Variants in ZNF710 observed in about 807,000 individuals in gnomAD.
The protein encoded by ZNF710 is zinc finger protein 710.
A neutral mutation model predicts 50.6 loss-of-function variants in ZNF710; 13 were observed. That is an observed-to-expected ratio of 0.26 (90% CI 0.17 to 0.41). ZNF710 has a LOEUF of 0.41. Among genes scored for constraint, ZNF710 ranks in the 10% least tolerant of loss-of-function variants. ZNF710 has a pLI of 1.00. For missense variants in ZNF710, 721 were observed against 936.6 expected, an observed-to-expected ratio of 0.77 and a Z score of 3.01; for synonymous variants, 383 against 397.0, an observed-to-expected ratio of 0.96 and a Z score of 0.42.
At chr15:90,078,124 T>C (rs1377097597) in intron 4 of ZNF710, among the ~76,000 whole-genome samples, 1 of 148,398 alleles carries the variant, frequency 6.7e-6, no homozygotes, top group Non-Finnish European at 1.5e-5. Context: ...GGCAGGAGAA[T>C]CGCTTGACCC....
chr15:90,063,193 A>G (rs8025891), intron 1 of ZNF710, among the ~76,000 whole-genome samples: 72,744 of 151,980 alleles, frequency 0.48, 20,339 homozygotes, highest in African/African-American at 0.75. Flanking sequence ...CTGAGGAGCC[A>G]GGCTCGGGTG....
At chr15:90,079,310 A>G (rs1413066910) in intron 4 of ZNF710, among the ~76,000 whole-genome samples, 1 of 152,238 alleles carries the variant, frequency 6.6e-6, no homozygotes, top group African/African-American at 2.4e-5. Context: ...TCCCGTGGCC[A>G]GAGAAACATT....
At chr15:90,048,445 GA>G (rs1899535378) in intron 1 of ZNF710, among the ~76,000 whole-genome samples, 1 of 152,240 alleles carries the variant, frequency 6.6e-6, no homozygotes, top group South Asian at 2.1e-4. Context: ...GGAGGAGGGT[GA>G]CTTGCTTCCT....
Position 90,067,424 on chromosome 15 carries a change from G to A in ZNF710, c.287G>A (p.Arg96Gln), listed in dbSNP as rs866527430. ...EVEAACEKHTRRKTRPPVRLV... is the reference protein window; with the variant it reads ...EVEAACEKHTQRKTRPPVRLV... Reference sequence around the variant, plus strand: ...GAGGCAGCCTGTGAGAAGCACACCCGGCGGAAGACGCGGCCACCTGTGCGG... The same window carrying A: ...GAGGCAGCCTGTGAGAAGCACACCCAGCGGAAGACGCGGCCACCTGTGCGG... Residue 96 changes from arginine to glutamine, a missense_variant, in exon 2 of 5, where the codon CGG becomes CAG. Arg to Gln is a conservative substitution (Grantham distance 43). Around this residue, in one of 3 missense-constraint regions of ZNF710, gnomAD observed 326 missense variants for 347.1 expected, o/e 0.94. Transcript: ENST00000268154. This position sits in a 1 kb window ranked among gnomAD's most constrained non-coding sequence, Gnocchi z 8.1. 8 of 1,603,782 alleles carry A rather than the reference G, an allele frequency of 5.0e-6. No homozygotes were observed. The highest frequency in any genetic ancestry group is 1.7e-5 in the Admixed American group (1 of 58,188).
In ZNF710 at chr15:90,031,597, G is replaced by A. The variant is rs150494768; in HGVS notation, c.-29+29983G>A. Among the ~76,000 whole-genome samples the A allele has an allele frequency of 3.9e-5, 6 of 152,336 alleles. No homozygotes were observed. In the East Asian group the frequency reaches 1.2e-3, roughly 29 times the overall value. On this transcript the variant is annotated intron_variant, in intron 1 of 4. Coordinates refer to ENST00000268154, the MANE Select transcript of ZNF710 (RefSeq NM_198526.4). ...GCACTTGCCCCATGGGAGAAACCCG[G>A]TTGGTTTTGTTTTTGCTTGTTTTGC...
Position 90,067,080 on chromosome 15 carries a change from C to T in ZNF710, c.-28-30C>T. The T allele has an allele frequency of 6.5e-7, 1 of 1,532,060 alleles. No homozygotes were observed. Among genetic ancestry groups the T allele is most frequent in the Non-Finnish European group, 8.8e-7 (1 of 1,139,832 alleles). 94.9% of individuals were successfully genotyped at this position (1,532,060 alleles called of 1,614,324 possible). A position where few individuals can be genotyped will look rare whatever the true frequency, so the allele number is the denominator to read the frequency against. On this transcript the variant is annotated intron_variant, in intron 1 of 4. Transcript: ENST00000268154. This position sits in a 1 kb window ranked among gnomAD's most constrained non-coding sequence, Gnocchi z 8.1. ...GTCTGTCTGTGCAGGAGTGAGCCAGCAATATTAACCTTCCCTTCTCCACCC... is the reference window on the plus strand; with the variant it reads ...GTCTGTCTGTGCAGGAGTGAGCCAGTAATATTAACCTTCCCTTCTCCACCC...
intron 1 of ZNF710, among the ~76,000 whole-genome samples, chr15:90,050,754 G>A (rs961120343): frequency 1.3e-5 from 2 of 151,332 alleles, no homozygotes; most frequent in Non-Finnish European, 2.9e-5. Flanking sequence ...GAACATTCCT[G>A]ATACCTTAAG....
chr15:90,079,852 G>A lies in ZNF710; in HGVS notation c.*23G>A, dbSNP rs376496771. 423 of 1,566,024 alleles carry A rather than the reference G, an allele frequency of 2.7e-4. 2 individuals are homozygous for A. In the African/African-American group the frequency reaches 3.9e-3, roughly 14 times the overall value. ...TAGCGCAAGCTGGGCCACCCCTAACGGGGGCCGGGGGCGAGGGCATGGGGG... is the reference window on the plus strand; with the variant it reads ...TAGCGCAAGCTGGGCCACCCCTAACAGGGGCCGGGGGCGAGGGCATGGGGG... On this transcript the variant is annotated 3_prime_UTR_variant, in exon 5 of 5. Coordinates refer to ENST00000268154, the MANE Select transcript of ZNF710 (RefSeq NM_198526.4).
intron 1 of ZNF710, among the ~76,000 whole-genome samples, chr15:90,023,730 G>GCT (rs1259283637): frequency 1.3e-5 from 2 of 152,148 alleles, no homozygotes; most frequent in African/African-American, 4.8e-5. Context: ...AGGCATGGTG[G>GCT]CTCACACCTG....
chr15:90,063,379 C>T lies in ZNF710; in HGVS notation c.-28-3731C>T, dbSNP rs79683814. Among the ~76,000 whole-genome samples, 32 of 152,176 alleles carry T rather than the reference C, an allele frequency of 2.1e-4. 1 individual carries two copies. The East Asian group carries it at 4.3e-3, about 20-fold the overall frequency. On this transcript the variant is annotated intron_variant, in intron 1 of 4. Transcript: ENST00000268154. ...AGCGCACTACCCCACCCCTGCCCCC[C>T]GGGTTGTTCCTAGTATTAAATGGCT...
intron 1 of ZNF710, among the ~76,000 whole-genome samples, chr15:90,053,776 G>A (rs963917361): frequency 2.0e-5 from 3 of 152,128 alleles, no homozygotes; most frequent in African/African-American, 7.2e-5. Context: ...GCAGGGCCAG[G>A]CTCTCTGGGA....
intron 1 of ZNF710, among the ~76,000 whole-genome samples, chr15:90,021,867 CCTGAGGTCAGAAGT>C (rs1898633316): frequency 6.6e-6 from 1 of 152,142 alleles, no homozygotes; most frequent in Non-Finnish European, 1.5e-5. Context: ...AGGCGGATCA[CCTGAGGTCAGAAGT>C]TCAAGACCAG....
intron 1 of ZNF710, among the ~76,000 whole-genome samples, chr15:90,005,125 G>A (rs867343994): frequency 1.1e-4 from 17 of 152,240 alleles, no homozygotes; most frequent in Middle Eastern, 3.2e-3. Context: ...AAATGTACTA[G>A]AACGTTTGTG....
chr15:90,064,909 T>C (rs1471347408), intron 1 of ZNF710, among the ~76,000 whole-genome samples: 1 of 152,092 alleles, frequency 6.6e-6, no homozygotes, highest in African/African-American at 2.4e-5. Flanking sequence ...GTTTTTCAGA[T>C]AGGGAAACTG....
At chr15:90,008,443 T>TATATATATATACATATATATATATACAC (rs1567218418) in intron 1 of ZNF710, among the ~76,000 whole-genome samples, 1 of 140,530 alleles carries the variant, frequency 7.1e-6, no homozygotes, top group African/African-American at 2.9e-5. Context: ...TATATATACA[T>TATATATATATACATATATATATATACAC]ATATATATAT....
chr15:90,036,622 G>C (rs1899135811), intron 1 of ZNF710, among the ~76,000 whole-genome samples: 1 of 152,182 alleles, frequency 6.6e-6, no homozygotes, highest in Non-Finnish European at 1.5e-5. Context: ...TGACAGACCT[G>C]GCCATCATTC....
At chr15:90,006,080 G>T (rs745831139) in intron 1 of ZNF710, among the ~76,000 whole-genome samples, 2 of 152,102 alleles carry the variant, frequency 1.3e-5, no homozygotes, top group Non-Finnish European at 2.9e-5. Context: ...AGAAGAAATT[G>T]TGGGTCTGCA....
In ZNF710 at chr15:90,041,991, G is replaced by A. The variant is rs1216360201; in HGVS notation, c.-28-25119G>A. Among the ~76,000 whole-genome samples the A allele has an allele frequency of 3.4e-5, 5 of 149,172 alleles. No individual in the cohort carries two copies. In the East Asian group the frequency reaches 6.0e-4, roughly 18 times the overall value. On this transcript the variant is annotated intron_variant, in intron 1 of 4. Coordinates refer to ENST00000268154, the MANE Select transcript of ZNF710 (RefSeq NM_198526.4). ...CAGCTCACTGCAACCACTGCATCCCGGGTTCAAGTGATTCTCCTGCCTCAG... is the reference window on the plus strand; with the variant it reads ...CAGCTCACTGCAACCACTGCATCCCAGGTTCAAGTGATTCTCCTGCCTCAG...
intron 1 of ZNF710, among the ~76,000 whole-genome samples, chr15:90,046,320 G>A (rs923708586): frequency 5.3e-5 from 8 of 152,218 alleles, no homozygotes; most frequent in Non-Finnish European, 1.2e-4. Context: ...GCTGAAGTGT[G>A]AATTGCATGT....
Sources: allele counts gnomAD v4.1 joint callset (sites outside exome capture counted in the v4.1 genomes callset), GRCh38; gene constraint gnomAD v4.1.1; regional missense constraint gnomAD v4.1.1; non-coding constraint Gnocchi (gnomAD v3.1); transcripts MANE v1.5; gene names NCBI Gene and HGNC (gene_info 2026-07-23, HGNC 2026-07-21).